The following CES5A variants were observed in gnomAD, a reference collection of about 807,000 sequenced individuals.
CES5A encodes the protein carboxylesterase 5.
A neutral mutation model predicts 62.9 loss-of-function variants in CES5A; 67 were observed. The ratio of observed to expected loss-of-function variants is 1.07; its 90% CI spans 0.88 to 1.31. The LOEUF (loss-of-function observed/expected upper bound fraction) is 1.31, where lower values mean the gene tolerates loss of function less well. Ranked by LOEUF, CES5A falls within the 50% of genes most tolerant of loss-of-function variation. The pLI is 0.00. For synonymous variants in CES5A, 296 were observed against 280.8 expected (o/e 1.05, Z -0.54); for missense variants, 748 against 708.5 (o/e 1.06, Z -0.63).
At position 55,921,636 on chromosome 16, in the gene CES5A, G is replaced by GAAA. The variant is rs1187326389; in HGVS notation, c.-256+3684_-256+3686dup. On this transcript the variant is annotated intron_variant, in intron 1 of 12. Coordinates refer to the CES5A transcript ENST00000518005. Reference sequence around the variant, plus strand: ...CTAAGAGAAGTTCTTCAATCTGAAAGAAAAAAAAAAAAAAAAACCATTGAA... The same window carrying GAAA: ...CTAAGAGAAGTTCTTCAATCTGAAAGAAAAAAAAAAAAAAAAAAAACCATTGAA... Among the ~76,000 whole-genome samples the GAAA allele has an allele frequency of 5.7e-3, 352 of 61,936 alleles. 3 individuals carry two copies. The highest frequency in any genetic ancestry group is 0.016 in the African/African-American group (335 of 21,544). 40.6% of individuals were successfully genotyped at this position (61,936 alleles called of 152,430 possible). A position where few individuals can be genotyped will look rare whatever the true frequency, so the allele number is the denominator to read the frequency against.
At chr16:55,928,612 A>G (rs1221191459), upstream of CES5A, among the ~76,000 whole-genome samples, 1 of 152,250 alleles carries the variant, frequency 6.6e-6, no homozygotes, top group African/African-American at 2.4e-5. Context: ...AACAAGAAGT[A>G]AACGTCATTT....
upstream of CES5A, among the ~76,000 whole-genome samples, chr16:55,928,265 C>T (rs1375692944): frequency 6.6e-6 from 1 of 152,080 alleles, no homozygotes; most frequent in Admixed American, 6.5e-5. Flanking sequence ...TCATCTTTTC[C>T]AGCAATTTGG....
chr16:55,877,574 T>A (rs1370328279), upstream of CES5A, among the ~76,000 whole-genome samples: 1 of 152,072 alleles, frequency 6.6e-6, no homozygotes, highest in African/African-American at 2.4e-5. Context: ...TAATGAAATG[T>A]CTTCTATTTG....
chr16:55,883,958 G>A (rs891134687), intron 1 of CES5A, among the ~76,000 whole-genome samples: 2 of 152,262 alleles, frequency 1.3e-5, no homozygotes, highest in South Asian at 2.1e-4. Context: ...CTAACAGGGG[G>A]GTCATGGTGA....
intron 1 of CES5A, among the ~76,000 whole-genome samples, chr16:55,897,571 A>G (rs1362395): frequency 0.72 from 109,435 of 151,982 alleles, 39,428 homozygotes; most frequent in Non-Finnish European, 0.73. Flanking sequence ...GATCAGAGAC[A>G]CACCCCCAGA....
chr16:55,852,319 G>C (rs145600215), intron 10 of CES5A, among the ~76,000 whole-genome samples: 381 of 152,162 alleles, frequency 2.5e-3, no homozygotes, highest in South Asian at 0.023. Context: ...TAATTTCATT[G>C]CCTTGTGGTC....
intron 2 of CES5A, among the ~76,000 whole-genome samples, chr16:55,939,412 G>A (rs1317655644): frequency 6.6e-6 from 1 of 152,140 alleles, no homozygotes; most frequent in Non-Finnish European, 1.5e-5. Flanking sequence ...GCACTGTTCT[G>A]AGGACTCTGT....
chr16:55,879,271 TCACCACTGCACCTC>T (rs2033736159), upstream of CES5A, among the ~76,000 whole-genome samples: 1 of 122,224 alleles, frequency 8.2e-6, no homozygotes, highest in Non-Finnish European at 1.7e-5. Context: ...ACAGTGTACC[TCACCACTGCACCTC>T]CACCACTGCA....
At chr16:55,943,610 TA>T (rs1351741740) in intron 2 of CES5A, among the ~76,000 whole-genome samples, 2 of 152,264 alleles carry the variant, frequency 1.3e-5, no homozygotes, top group African/African-American at 4.8e-5. Flanking sequence ...AAAAATATGC[TA>T]AAACAAACAT....
chr16:55,955,869 C>T, exon 1 of CES5A: 1 of 1,536,060 alleles, frequency 6.5e-7, no homozygotes, highest in South Asian at 1.2e-5. Context: ...TGAAGCAGGG[C>T]AAACCAGAAC....
At chr16:55,876,722 G>A (rs144037459), upstream of CES5A, among the ~76,000 whole-genome samples, 7 of 152,236 alleles carry the variant, frequency 4.6e-5, no homozygotes, top group African/African-American at 1.7e-4. Context: ...AGCCACAGCA[G>A]AGCAGAAGTG....
At chr16:55,871,192 T>A (rs747673357) in intron 3 of CES5A, among the ~76,000 whole-genome samples, 5 of 152,212 alleles carry the variant, frequency 3.3e-5, no homozygotes, top group Non-Finnish European at 5.9e-5. Context: ...TTCCCCCACT[T>A]ACTGACACGG....
intron 1 of CES5A, among the ~76,000 whole-genome samples, chr16:55,916,113 G>A (rs1294864507): frequency 3.9e-5 from 6 of 152,158 alleles, no homozygotes; most frequent in South Asian, 2.1e-4. Context: ...ACTTCTGGGT[G>A]GGGGCCACAG....
chr16:55,941,412 T>C (rs548081024), intron 2 of CES5A, among the ~76,000 whole-genome samples: 1 of 152,150 alleles, frequency 6.6e-6, no homozygotes, highest in South Asian at 2.1e-4. Flanking sequence ...GAAATACATA[T>C]ATAAGACCTG....
At chr16:55,854,332 C>T (rs576018257) in intron 9 of CES5A, among the ~76,000 whole-genome samples, 1 of 152,110 alleles carries the variant, frequency 6.6e-6, no homozygotes, top group African/African-American at 2.4e-5. Flanking sequence ...TCCTTCTGCT[C>T]AGTTGTTCCC....
intron 4 of CES5A, among the ~76,000 whole-genome samples, chr16:55,867,356 C>G (rs550217654): frequency 6.6e-6 from 1 of 152,190 alleles, no homozygotes; most frequent in African/African-American, 2.4e-5. Flanking sequence ...GCATGTTTCC[C>G]GGGATGGGAT....
chr16:55,924,743 G>C (rs542962616), intron 1 of CES5A, among the ~76,000 whole-genome samples: 2 of 151,844 alleles, frequency 1.3e-5, no homozygotes, highest in Admixed American at 1.3e-4. Flanking sequence ...ATGAAACAGA[G>C]TAGAGAACAC....
intron 1 of CES5A, among the ~76,000 whole-genome samples, chr16:55,889,410 C>A (rs1246778210): frequency 2.0e-5 from 3 of 152,144 alleles, no homozygotes; most frequent in African/African-American, 7.2e-5. Flanking sequence ...AATTGGGATT[C>A]CCATGACCCC....
intron 1 of CES5A, among the ~76,000 whole-genome samples, chr16:55,917,353 A>G (rs2034157265): frequency 6.6e-6 from 1 of 152,258 alleles, no homozygotes. Flanking sequence ...TAAGTGAGAA[A>G]TCTAGTGCCA....
Sources: allele counts gnomAD v4.1 joint callset (sites outside exome capture counted in the v4.1 genomes callset), GRCh38; gene constraint gnomAD v4.1.1; transcripts MANE v1.5; gene names NCBI Gene and HGNC (gene_info 2026-07-23, HGNC 2026-07-21).